Variants in ATP9A observed in about 807,000 individuals in gnomAD.
ATP9A encodes the protein ATPase phospholipid transporting 9A, also known as probable phospholipid-transporting ATPase IIA.
In ATP9A, 52 loss-of-function variants were observed where a neutral mutation model predicts 144.1. The observed-to-expected ratio is 0.36, with a 90% confidence interval of 0.29 to 0.45. The LOEUF (loss-of-function observed/expected upper bound fraction) is 0.45, where lower values mean the gene tolerates loss of function less well. Among genes scored for constraint, ATP9A ranks in the 20% least tolerant of loss-of-function variants. The probability of loss-of-function intolerance (pLI) is 1.00; values close to 1 mark genes in which losing one functional copy is unlikely to be tolerated. For synonymous variants in ATP9A, 582 were observed against 557.4 expected (o/e 1.04, Z -0.62); for missense variants, 947 against 1,392.7 (o/e 0.68, Z 5.09).
In ATP9A at chr20:51,740,350, G is replaced by A. The variant is rs1441594755; in HGVS notation, c.69-10372C>T. On this transcript the variant is annotated intron_variant, in intron 1 of 27. Coordinates refer to ENST00000338821, the MANE Select transcript of ATP9A (RefSeq NM_006045.3). ...TGGGGTTACAGGTATGAGCCACCAC[G>A]CCCCAGCCAACACAAACCAATTTTA... 2.4e-4 allele frequency among the ~76,000 whole-genome samples: 36 copies of A among 150,644 alleles called. 1 individual carries two copies. The highest frequency in any genetic ancestry group is 2.3e-3 in the Admixed American group (35 of 15,034).
chr20:51,767,767 C>T lies in ATP9A; in HGVS notation c.68+535G>A, dbSNP rs190152648. 2.0e-5 allele frequency among the ~76,000 whole-genome samples: 3 copies of T among 152,256 alleles called. No homozygotes were observed. In the East Asian group the frequency reaches 5.8e-4, roughly 30 times the overall value. ...CCCCGGGCGGAGGGGGAAGGGGCCA[C>T]CGGAGCGCAGGTGGTCTCGGCGCAG... On this transcript the variant is annotated intron_variant, in intron 1 of 27. Transcript: ENST00000338821.
Position 51,750,785 on chromosome 20 carries a change from G to A in ATP9A, c.68+17517C>T, listed in dbSNP as rs185367062. 3.3e-5 allele frequency among the ~76,000 whole-genome samples: 5 copies of A among 152,264 alleles called. No homozygotes were observed. In the East Asian group the frequency reaches 7.7e-4, roughly 24 times the overall value. ...AGCTGGAGTCTGGCAATCTCATCTC[G>A]TTGTAGAATCTGAGAGCCACCTCTC... On this transcript the variant is annotated intron_variant, in intron 1 of 27. Coordinates refer to ENST00000338821, the MANE Select transcript of ATP9A (RefSeq NM_006045.3).
At chr20:51,751,261 GTTTT>G (rs201983884) in intron 1 of ATP9A, among the ~76,000 whole-genome samples, 1 of 115,506 alleles carries the variant, frequency 8.7e-6, no homozygotes, top group South Asian at 2.9e-4. Context: ...GGTTTTTTTT[GTTTT>G]TTTTTTTTTT....
intron 14 of ATP9A, among the ~76,000 whole-genome samples, chr20:51,649,497 C>T (rs1394791569): frequency 6.6e-6 from 1 of 152,242 alleles, no homozygotes; most frequent in Non-Finnish European, 1.5e-5. Flanking sequence ...GATCATTTCT[C>T]ACTGCCGTCA....
intron 18 of ATP9A, among the ~76,000 whole-genome samples, chr20:51,623,801 A>AAAAAAAAAAAAAAAAAG (rs558189054): frequency 1.5e-5 from 2 of 133,392 alleles, no homozygotes; most frequent in African/African-American, 3.0e-5. Context: ...AAAAAAAAAA[A>AAAAAAAAAAAAAAAAAG]AAAGAAAGAA....
Position 51,596,868 on chromosome 20 carries a change from T to C in ATP9A, c.*4343A>G, listed in dbSNP as rs985345087. ...GCTCAGAAACACGAAAGATCATATGTGTGTCATCACAGCATCGAGAATTTA... is the reference window on the plus strand; with the variant it reads ...GCTCAGAAACACGAAAGATCATATGCGTGTCATCACAGCATCGAGAATTTA... On this transcript the variant is annotated 3_prime_UTR_variant, in exon 28 of 28. Transcript: ENST00000338821. 3.3e-5 allele frequency: 5 copies of C among 152,156 alleles called. No individual in the cohort carries two copies. The highest frequency in any genetic ancestry group is 1.2e-4 in the African/African-American group (5 of 41,410). The allele number at this position is 152,156 out of a possible 1,614,324, so 9.4% of individuals were successfully genotyped here. A position where few individuals can be genotyped will look rare whatever the true frequency, so the allele number is the denominator to read the frequency against.
rs115425070 is a variant in ATP9A at position 51,736,716 on chromosome 20, C to T, written c.69-6738G>A. Among the ~76,000 whole-genome samples, 1,358 of 152,084 alleles carry T rather than the reference C, an allele frequency of 8.9e-3. 17 individuals are homozygous for T. Among genetic ancestry groups the T allele is most frequent in the African/African-American group, 0.031 (1,287 of 41,474 alleles). ...ACACTAAAACTTGCTGAATTGTACA[C>T]TTTAAATAGGTGAATTATAAGGTAT... On this transcript the variant is annotated intron_variant, in intron 1 of 27. Transcript: ENST00000338821.
At chr20:51,631,733 G>A (rs187938591) in intron 15 of ATP9A, among the ~76,000 whole-genome samples, 13 of 152,328 alleles carry the variant, frequency 8.5e-5, no homozygotes, top group Admixed American at 2.6e-4. Context: ...CAATGACAGC[G>A]CTACGATGAT....
At chr20:51,757,303 C>G (rs547739757) in intron 1 of ATP9A, among the ~76,000 whole-genome samples, 1 of 152,288 alleles carries the variant, frequency 6.6e-6, no homozygotes, top group Admixed American at 6.5e-5. Flanking sequence ...CAAGTGTGAG[C>G]CACCAAGCCC....
In ATP9A at chr20:51,657,012, C is replaced by G; in HGVS notation, c.1432G>C (p.Val478Leu). Residue 478 changes from valine (V) to leucine (L), a missense_variant, in exon 14 of 28, where the codon GTG becomes CTG. Physicochemically the swap from Val to Leu is conservative, Grantham distance 32. Around this residue, in one of 2 missense-constraint regions of ATP9A, gnomAD observed 770 missense variants for 1,047.9 expected, o/e 0.73. Coordinates refer to ENST00000338821, the MANE Select transcript of ATP9A (RefSeq NM_006045.3). ...NVTPVYESNG[V>L]TDQAEAEKQY... ...TTCTCGGCCTCAGCCTGATCAGTCA[C>G]ACCGTTGGACTCATACACGGGAGTC... is the stretch of plus-strand genomic sequence containing the variant. 1 of 1,614,252 alleles carries G rather than the reference C, an allele frequency of 6.2e-7. No homozygotes were observed. The highest frequency in any genetic ancestry group is 8.5e-7 in the Non-Finnish European group (1 of 1,180,054).
At chr20:51,663,067 A>G (rs6013243) in intron 13 of ATP9A, among the ~76,000 whole-genome samples, 111,773 of 151,568 alleles carry the variant, frequency 0.74, 42,038 homozygotes, top group Middle Eastern at 0.83. Context: ...CGAAAACTCC[A>G]TCTCAAAAAA....
intron 15 of ATP9A, among the ~76,000 whole-genome samples, chr20:51,635,027 A>AT (rs1555830836): frequency 2.0e-5 from 3 of 151,690 alleles, no homozygotes; most frequent in Non-Finnish European, 4.4e-5. Flanking sequence ...TGTGTCAGCC[A>AT]CCCCCCTGGA....
At chr20:51,625,474 G>A in intron 17 of ATP9A, 112 bp from the exon 18 acceptor site, 1 of 1,256,234 alleles carries the variant, frequency 8.0e-7, no homozygotes, top group Non-Finnish European at 1.1e-6. Context: ...CGGGGTGGGG[G>A]ACCCCAGCAG....
chr20:51,630,222 G>A (rs962674712), intron 15 of ATP9A, among the ~76,000 whole-genome samples: 6 of 152,212 alleles, frequency 3.9e-5, no homozygotes, highest in Admixed American at 6.5e-5. Flanking sequence ...GAATGACGGC[G>A]CAGCCACAGA....
intron 13 of ATP9A, among the ~76,000 whole-genome samples, chr20:51,661,153 A>G (rs2077408890): frequency 6.6e-6 from 1 of 152,190 alleles, no homozygotes; most frequent in African/African-American, 2.4e-5. Flanking sequence ...AAGGCAGGGA[A>G]AATAGGCTTC....
At chr20:51,740,905 C>T (rs113397229) in intron 1 of ATP9A, among the ~76,000 whole-genome samples, 2,011 of 152,140 alleles carry the variant, frequency 0.013, 23 homozygotes, top group South Asian at 0.034. Context: ...GTACAGTCTA[C>T]ACCTTAAAGC....
chr20:51,723,313 G>T (rs1235810877), intron 3 of ATP9A, among the ~76,000 whole-genome samples: 1 of 152,092 alleles, frequency 6.6e-6, no homozygotes, highest in African/African-American at 2.4e-5. Flanking sequence ...ATACTGCTCG[G>T]GTGATGAGTG....
In ATP9A at chr20:51,633,737, C is replaced by G. The variant is rs1040952549; in HGVS notation, c.1669-4665G>C. On this transcript the variant is annotated intron_variant, in intron 15 of 27. Coordinates refer to ENST00000338821, the MANE Select transcript of ATP9A (RefSeq NM_006045.3). ...CTCCAGCCTAGGTAACAGAGTGAGACTCTGTCTTGAGAAAGAAAGAAAAGA... is the reference window on the plus strand; with the variant it reads ...CTCCAGCCTAGGTAACAGAGTGAGAGTCTGTCTTGAGAAAGAAAGAAAAGA... Among the ~76,000 whole-genome samples, 8 of 149,712 alleles carry G rather than the reference C, an allele frequency of 5.3e-5. No homozygotes were observed. In the Admixed American group the frequency reaches 5.4e-4, roughly 10 times the overall value.
chr20:51,614,058 G>T (rs1172069338), intron 22 of ATP9A, among the ~76,000 whole-genome samples: 1 of 152,188 alleles, frequency 6.6e-6, no homozygotes, highest in Non-Finnish European at 1.5e-5. Context: ...GTTATAATTT[G>T]GACGTCAAGT....
Sources: gnomAD v4.1 joint callset for allele counts (sites outside exome capture counted in the v4.1 genomes callset) on GRCh38, gnomAD v4.1.1 for gene constraint, gnomAD v4.1.1 regional missense constraint, MANE v1.5 for transcripts, NCBI Gene and HGNC (gene_info 2026-07-23, HGNC 2026-07-21) for gene names.